WDR35: variants seen among roughly 807,000 people sequenced by gnomAD.
WDR35 encodes WD repeat-containing protein 35.
WDR35 carries 118 observed loss-of-function variants against 158.3 expected under a neutral mutation model. The observed-to-expected ratio is 0.75, with a 90% CI of 0.64 to 0.87. The LOEUF is 0.87. Ranked by LOEUF, WDR35 falls within the 40% of genes least tolerant of loss-of-function variation. The pLI, the probability that WDR35 is intolerant of heterozygous loss-of-function variation, is 0.00. For missense variants in WDR35, 1,263 were observed against 1,405.8 expected (o/e 0.90, Z 1.62); for synonymous variants, 448 against 476.1 (o/e 0.94, Z 0.77).
At chr2:19,978,721 T>A (rs184429707) in intron 5 of WDR35, 30 bp downstream of exon 5, 1 of 1,613,340 alleles carries the variant, frequency 6.2e-7, no homozygotes, top group Non-Finnish European at 8.5e-7. Flanking sequence ...CAGATATTGA[T>A]CTTAGTTCTA....
chr2:19,989,890 A>G (rs1425996048), intron 1 of WDR35, 102 bp downstream of exon 1: 1 of 1,560,534 alleles, frequency 6.4e-7, no homozygotes, highest in Non-Finnish European at 8.7e-7. Flanking sequence ...CGAAGCCACG[A>G]CCAGGACCGG....
At chr2:19,922,186 A>T (rs1670190319) in intron 25 of WDR35, among the ~76,000 whole-genome samples, 1 of 152,228 alleles carries the variant, frequency 6.6e-6, no homozygotes, top group Admixed American at 6.5e-5. Context: ...CTAGAACTAG[A>T]AATACCATTT....
chr2:19,922,287 CT>C (rs1379174754), intron 25 of WDR35, among the ~76,000 whole-genome samples: 4 of 152,178 alleles, frequency 2.6e-5, no homozygotes, highest in Non-Finnish European at 5.9e-5. Context: ...TACTGCAGCA[CT>C]GTTCACAATA....
chr2:19,938,354 C>T lies in WDR35; in HGVS notation c.1974G>A (p.Arg658=), dbSNP rs896538932. ...NKDYLINFEI[R]SLRDSRALIE... ...TCAGTGCTCGGCTATCTCGCAGAGA[C>T]CGAATCTCAAAGTTAATTAGGTAAT... The change falls in exon 18 of 27, where the codon CGG becomes CGA. Residue 658 remains arginine, a synonymous_variant. Coordinates refer to ENST00000281405, the MANE Select transcript of WDR35 (RefSeq NM_020779.4). 2 of 1,613,846 alleles carry T rather than the reference C, an allele frequency of 1.2e-6. No homozygotes were observed. The highest frequency in any genetic ancestry group is 1.7e-5 in the Admixed American group (1 of 59,942).
chr2:19,915,248 A>G (rs1364668929), intron 25 of WDR35, among the ~76,000 whole-genome samples: 1 of 152,220 alleles, frequency 6.6e-6, no homozygotes, highest in Non-Finnish European at 1.5e-5. Flanking sequence ...CATGTGTTTT[A>G]CAATCAGAAT....
At chr2:19,974,331 C>A in intron 7 of WDR35, 137 bp downstream of exon 7, 1 of 849,646 alleles carries the variant, frequency 1.2e-6, no homozygotes, top group Admixed American at 2.9e-5. Flanking sequence ...TTCGCTTGAA[C>A]CCGGGAGGCA....
rs1217327964 is a variant in WDR35 at position 19,945,873 on chromosome 2, C to T, written c.1758G>A (p.Trp586Ter). 2.5e-6 allele frequency: 4 copies of T among 1,613,910 alleles called. No individual in the cohort carries two copies. The highest frequency in any genetic ancestry group is 1.3e-5 in the African/African-American group (1 of 74,932). Residue 586 changes from tryptophan to a stop codon, truncating the protein, a stop_gained, in exon 16 of 27, where the codon TGG (tryptophan) becomes TGA (stop). Transcript: ENST00000281405. LOFTEE classifies it high-confidence loss of function. ...ELLKLERRDV[W>*]DMKWAKDNPD... ...GATTATCTTTGGCCCACTTCATATC[C>T]CAGACATCTCTTCGTTCCAATTTTA...
chr2:19,951,313 C>T (rs1671228651), intron 13 of WDR35, 102 bp downstream of exon 13: 1 of 1,017,188 alleles, frequency 9.8e-7, no homozygotes, highest in Non-Finnish European at 1.5e-6. Flanking sequence ...AAAATAATAT[C>T]CTATTCACTG....
chr2:19,915,635 T>C (rs1342250936), intron 25 of WDR35, among the ~76,000 whole-genome samples: 3 of 151,810 alleles, frequency 2.0e-5, no homozygotes, highest in Admixed American at 1.3e-4. Context: ...ATAAAAATAA[T>C]TTTTATATAT....
chr2:19,978,803 C>T lies in WDR35; in HGVS notation c.384G>A (p.Gln128=). The change falls in exon 5 of 27, where the codon CAG becomes CAA. Residue 128 remains glutamine (Q), a synonymous_variant. Coordinates refer to ENST00000281405, the MANE Select transcript of WDR35 (RefSeq NM_020779.4). Reference sequence around the variant, plus strand: ...CATCTTCATATACAATGCAGATCTTCTGTCCGTCAGCATTCCAGCTCATAC... The same window carrying T: ...CATCTTCATATACAATGCAGATCTTTTGTCCGTCAGCATTCCAGCTCATAC... The part of the protein sequence containing the change: ...VRSMSWNADG[Q]KICIVYEDGA... 1 of 1,613,928 alleles carries T rather than the reference C, an allele frequency of 6.2e-7. No homozygotes were observed. Among genetic ancestry groups the T allele is most frequent in the Non-Finnish European group, 8.5e-7 (1 of 1,179,886 alleles).
intron 25 of WDR35, among the ~76,000 whole-genome samples, chr2:19,922,184 A>G (rs138764532): frequency 0.22 from 33,244 of 152,164 alleles, 3,995 homozygotes; most frequent in Non-Finnish European, 0.25. Context: ...ATCTAGAACT[A>G]GAAATACCAT....
intron 11 of WDR35, among the ~76,000 whole-genome samples, chr2:19,958,885 A>C (rs1421706755): frequency 6.6e-6 from 1 of 152,190 alleles, no homozygotes; most frequent in Admixed American, 6.5e-5. Flanking sequence ...ACACTTCTAT[A>C]ATAATCTATA....
intron 25 of WDR35, among the ~76,000 whole-genome samples, chr2:19,924,696 T>A (rs999222924): frequency 6.6e-6 from 1 of 152,180 alleles, no homozygotes; most frequent in Non-Finnish European, 1.5e-5. Flanking sequence ...GTTGATTTTA[T>A]CAAGGCCTGT....
chr2:19,935,248 C>A, intron 21 of WDR35: 1 of 390,364 alleles, frequency 2.6e-6, no homozygotes. Context: ...AGACTGTGAT[C>A]ATATTAAAGT....
rs1239117558 is a variant in WDR35 at position 19,936,286 on chromosome 2, C to T, written c.2347G>A (p.Ala783Thr). Reference protein sequence around the residue: ...LQLLKTGSGDADDSLLEQANN... With the variant: ...LQLLKTGSGDTDDSLLEQANN... ...GCTTGTTCCAGGAGACTGTCATCTG[C>T]ATCACCAGATCCAGTTTTCAGGAGC... Residue 783 changes from alanine (A) to threonine (T), a missense_variant, in exon 20 of 27, where the codon GCA becomes ACA. Transcript: ENST00000281405. 2 of 1,614,056 alleles carry T rather than the reference C, an allele frequency of 1.2e-6. No individual in the cohort carries two copies. The highest frequency in any genetic ancestry group is 1.1e-5 in the South Asian group (1 of 91,080).
chr2:19,949,370 A>G (rs1671162651), intron 13 of WDR35, among the ~76,000 whole-genome samples: 1 of 152,184 alleles, frequency 6.6e-6, no homozygotes, highest in African/African-American at 2.4e-5. Flanking sequence ...GGGAGGAACT[A>G]TATGTAACAT....
intron 21 of WDR35, 49 bp from the exon 22 acceptor site, chr2:19,933,560 C>T: frequency 6.6e-7 from 1 of 1,511,660 alleles, no homozygotes; most frequent in Non-Finnish European, 9.2e-7. Flanking sequence ...AAGGAAATTA[C>T]TTATATTTTA....
rs918108579 is a variant in WDR35 at position 19,946,066 on chromosome 2, C to A, written c.1635-70G>T. On this transcript the variant is annotated intron_variant, in intron 15 of 26. Transcript: ENST00000281405. Reference sequence around the variant, plus strand: ...CTATCAGCAATCATGAGAATAATTACCTATAGCCATTCTTCTTCAAAATCA... The same window carrying A: ...CTATCAGCAATCATGAGAATAATTAACTATAGCCATTCTTCTTCAAAATCA... 6 of 1,448,840 alleles carry A rather than the reference C, an allele frequency of 4.1e-6. No individual in the cohort carries two copies. The South Asian group carries it at 7.2e-5, about 17-fold the overall frequency. The allele number at this position is 1,448,840 out of a possible 1,614,324, so 89.7% of individuals were successfully genotyped here.
intron 23 of WDR35, 31 bp from the exon 24 acceptor site, chr2:19,931,440 ACTT>A (rs1237371077): frequency 1.7e-5 from 28 of 1,610,084 alleles, no homozygotes; most frequent in Admixed American, 8.3e-5. Context: ...GAGGGAAGTT[ACTT>A]CTTATCTATA....
Sources: gnomAD v4.1 joint callset for allele counts (sites outside exome capture counted in the v4.1 genomes callset) on GRCh38, gnomAD v4.1.1 for gene constraint, MANE v1.5 for transcripts, NCBI Gene and HGNC (gene_info 2026-07-23, HGNC 2026-07-21) for gene names.